The following ANKFN1 variants were observed in gnomAD, a reference collection of about 807,000 sequenced individuals.
ANKFN1 encodes ankyrin repeat and fibronectin type-III domain-containing protein 1.
ANKFN1 carries 74 observed loss-of-function variants against 108.7 expected under a neutral mutation model. The observed-to-expected ratio is 0.68, with a 90% CI of 0.56 to 0.83. The LOEUF is 0.83. Among genes scored for constraint, ANKFN1 ranks in the 40% least tolerant of loss-of-function variants. The probability of loss-of-function intolerance (pLI) is 0.00; values close to 1 mark genes in which losing one functional copy is unlikely to be tolerated. For missense variants in ANKFN1, 1,505 were observed against 1,382.3 expected (o/e 1.09, Z -1.41); for synonymous variants, 547 against 516.2 (o/e 1.06, Z -0.81).
At chr17:56,348,895 A>G (rs1308183601) in intron 4 of ANKFN1, among the ~76,000 whole-genome samples, 1 of 152,212 alleles carries the variant, frequency 6.6e-6, no homozygotes, top group East Asian at 1.9e-4. Context: ...CCAAAGGAAT[A>G]TAAACCATTC....
At chr17:56,425,546 C>T (rs1330542164) in intron 8 of ANKFN1, among the ~76,000 whole-genome samples, 3 of 152,186 alleles carry the variant, frequency 2.0e-5, no homozygotes, top group Admixed American at 2.0e-4. Flanking sequence ...TCTCCTGTCC[C>T]ATCTTATTTC....
chr17:56,511,940 G>A lies in ANKFN1; in HGVS notation c.*671G>A, dbSNP rs1379270000. 6.6e-6 allele frequency among the ~76,000 whole-genome samples: 1 copy of A among 152,100 alleles called. No individual in the cohort carries two copies. The highest frequency in any genetic ancestry group is 1.5e-5 in the Non-Finnish European group (1 of 68,022). ...GTGGAGACCACCAGAAACAAAAGTGGAGAATTCTCTTTCAGCTCTACCTTG... is the reference window on the plus strand; with the variant it reads ...GTGGAGACCACCAGAAACAAAAGTGAAGAATTCTCTTTCAGCTCTACCTTG... On this transcript the variant is annotated 3_prime_UTR_variant, in exon 21 of 21. Transcript: ENST00000682825.
intron 1 of ANKFN1, among the ~76,000 whole-genome samples, chr17:56,165,212 G>GACCTGTT (rs1910037454): frequency 6.6e-6 from 1 of 152,066 alleles, no homozygotes; most frequent in South Asian, 2.1e-4. Context: ...GGTCACGTAG[G>GACCTGTT]ACCTGTTTCT....
chr17:56,181,734 A>C (rs1911694444), intron 1 of ANKFN1, among the ~76,000 whole-genome samples: 1 of 152,304 alleles, frequency 6.6e-6, no homozygotes, highest in Admixed American at 6.5e-5. Flanking sequence ...GTACGTATAT[A>C]TGTTTTTATA....
At chr17:56,379,307 G>A (rs531078774) in intron 8 of ANKFN1, among the ~76,000 whole-genome samples, 1 of 152,012 alleles carries the variant, frequency 6.6e-6, no homozygotes, top group South Asian at 2.1e-4. Flanking sequence ...GCTGAGGCAG[G>A]AGAATGGCTT....
intron 4 of ANKFN1, among the ~76,000 whole-genome samples, chr17:56,326,638 G>C (rs1390737050): frequency 2.0e-5 from 3 of 152,294 alleles, no homozygotes; most frequent in South Asian, 2.1e-4. Context: ...ATCACATTAA[G>C]TGCTTGCATA....
At chr17:56,370,617 G>C (rs1278377592) in intron 6 of ANKFN1, among the ~76,000 whole-genome samples, 2 of 152,182 alleles carry the variant, frequency 1.3e-5, no homozygotes, top group East Asian at 3.8e-4. Flanking sequence ...AAGGAGGGGG[G>C]AGTGGGTAGA....
intron 4 of ANKFN1, among the ~76,000 whole-genome samples, chr17:56,086,654 C>T (rs1905319165): frequency 1.3e-5 from 2 of 151,274 alleles, no homozygotes; most frequent in African/African-American, 4.9e-5. Flanking sequence ...TCCTGGACAG[C>T]AGTCCTGGCT....
At chr17:56,214,966 C>A (rs1052028131) in intron 2 of ANKFN1, among the ~76,000 whole-genome samples, 11 of 152,194 alleles carry the variant, frequency 7.2e-5, no homozygotes, top group Non-Finnish European at 1.6e-4. Context: ...GGGCAGTAAC[C>A]CTTTCCTTTC....
intron 4 of ANKFN1, among the ~76,000 whole-genome samples, chr17:56,341,790 GT>G: frequency 6.6e-6 from 1 of 151,940 alleles, no homozygotes; most frequent in East Asian, 1.9e-4. Flanking sequence ...GCTCTGCCAG[GT>G]TTTGGTATCA....
rs769742979 is a variant in ANKFN1, at chr17:56,510,469, G to T, written c.2645-4G>T. The T allele has an allele frequency of 2.6e-6, 4 of 1,533,180 alleles. No individual in the cohort carries two copies. The South Asian group carries it at 4.8e-5, about 18-fold the overall frequency. The allele number at this position is 1,533,180 out of a possible 1,614,324, so 95.0% of individuals were successfully genotyped here. A position where few individuals can be genotyped will look rare whatever the true frequency, so the allele number is the denominator to read the frequency against. ...TTTCCTAACCTCAGTTTCTGGCTTC[G>T]CAGATTCACAGCCCTGCTCTGATGA... On this transcript the variant is annotated splice_region_variant and splice_polypyrimidine_tract_variant and intron_variant, in intron 20 of 20. Coordinates refer to ENST00000682825, the MANE Select transcript of ANKFN1 (RefSeq NM_001370326.1).
In ANKFN1 at chr17:56,510,833, C is replaced by A; in HGVS notation, c.3005C>A (p.Pro1002Gln). The change falls in exon 21 of 21, where the codon CCA (proline) becomes CAA (glutamine). Residue 1002 changes from proline (P) to glutamine (Q), a missense_variant. By Grantham distance (76) the Pro-to-Gln change is moderately conservative. Transcript: ENST00000682825. ...PPLGFLGKRK[P>Q]GKHPHYGGFS... ...CTAGGCTTCCTGGGAAAGCGGAAGC[C>A]AGGCAAGCACCCCCACTATGGCGGC... The A allele has an allele frequency of 6.5e-7, 1 of 1,536,194 alleles. No homozygotes were observed. The highest frequency in any genetic ancestry group is 8.7e-7 in the Non-Finnish European group (1 of 1,146,922).
intron 4 of ANKFN1, among the ~76,000 whole-genome samples, chr17:56,116,120 C>T (rs1004441112): frequency 2.0e-5 from 3 of 152,188 alleles, no homozygotes; most frequent in Middle Eastern, 3.4e-3. Flanking sequence ...CAGGTAGAAC[C>T]GAGCATCCTC....
intron 3 of ANKFN1, among the ~76,000 whole-genome samples, chr17:56,262,107 C>T (rs2043526526): frequency 6.6e-6 from 1 of 152,172 alleles, no homozygotes; most frequent in South Asian, 2.1e-4. Flanking sequence ...ATAATTTTAA[C>T]AAATCTTTCC....
At chr17:56,169,824 C>T (rs1910487113) in intron 1 of ANKFN1, among the ~76,000 whole-genome samples, 1 of 152,080 alleles carries the variant, frequency 6.6e-6, no homozygotes, top group Non-Finnish European at 1.5e-5. Flanking sequence ...AGTGACAAAC[C>T]CTAAAGGTGC....
chr17:56,467,663 T>G (rs1331102251), intron 15 of ANKFN1, among the ~76,000 whole-genome samples: 1 of 100,568 alleles, frequency 9.9e-6, no homozygotes, highest in Non-Finnish European at 1.9e-5. Flanking sequence ...GGTGACGGAG[T>G]GAGAATCCAT....
intron 4 of ANKFN1, among the ~76,000 whole-genome samples, chr17:56,113,956 G>T (rs966114177): frequency 6.6e-6 from 1 of 152,114 alleles, no homozygotes; most frequent in Non-Finnish European, 1.5e-5. Context: ...CTAATTGGAC[G>T]TCAGAACAGA....
intron 4 of ANKFN1, among the ~76,000 whole-genome samples, chr17:56,135,498 A>G (rs956240542): frequency 6.6e-6 from 1 of 152,120 alleles, no homozygotes; most frequent in Non-Finnish European, 1.5e-5. Flanking sequence ...TGGGCTTTCT[A>G]ATGTCTCAGT....
chr17:56,312,744 T>C, intron 3 of ANKFN1, among the ~76,000 whole-genome samples: 1 of 152,172 alleles, frequency 6.6e-6, no homozygotes, highest in East Asian at 1.9e-4. Context: ...AACCTTGGGG[T>C]ATTATAGTGA....
Sources: gnomAD v4.1 joint callset for allele counts (sites outside exome capture counted in the v4.1 genomes callset) on GRCh38, gnomAD v4.1.1 for gene constraint, MANE v1.5 for transcripts, NCBI Gene and HGNC (gene_info 2026-07-23, HGNC 2026-07-21) for gene names.